The following CPQ variants were observed in gnomAD, a reference collection of about 807,000 sequenced individuals.
CPQ encodes carboxypeptidase Q, also known as Ser-Met dipeptidase.
A neutral mutation model predicts 45.7 loss-of-function variants in CPQ; 37 were observed. The ratio of observed to expected loss-of-function variants is 0.81; its 90% CI spans 0.62 to 1.07. The LOEUF is 1.07. Among genes scored for constraint, CPQ ranks in the 50% least tolerant of loss-of-function variants. The pLI is 0.00. For missense variants in CPQ, 537 were observed against 572.9 expected (o/e 0.94, Z 0.64); for synonymous variants, 186 against 205.8 (o/e 0.90, Z 0.82).
chr8:97,118,212 A>G lies in CPQ; in HGVS notation c.1256-24808A>G, dbSNP rs146573220. 5.0e-4 allele frequency among the ~76,000 whole-genome samples: 76 copies of G among 152,348 alleles called. No homozygotes were observed. In the Middle Eastern group the frequency reaches 0.01, roughly 20 times the overall value. ...AAGTTGAAAGAATGAACTACAGTGG[A>G]ATACTATTATTATATCTACTTATGC... On this transcript the variant is annotated intron_variant, in intron 7 of 7. Coordinates refer to ENST00000220763, the MANE Select transcript of CPQ (RefSeq NM_016134.4).
chr8:96,895,618 A>G (rs1246595251), intron 4 of CPQ, among the ~76,000 whole-genome samples: 2 of 152,176 alleles, frequency 1.3e-5, no homozygotes, highest in African/African-American at 4.8e-5. Flanking sequence ...GTAATTTTAA[A>G]TGATAATCAG....
At chr8:96,935,791 G>A (rs1813039390) in intron 4 of CPQ, among the ~76,000 whole-genome samples, 1 of 152,122 alleles carries the variant, frequency 6.6e-6, no homozygotes, top group South Asian at 2.1e-4. Flanking sequence ...TTGTGGCATA[G>A]CATAAAATAC....
At chr8:96,843,487 G>T (rs1159422311) in intron 3 of CPQ, among the ~76,000 whole-genome samples, 1 of 152,156 alleles carries the variant, frequency 6.6e-6, no homozygotes, top group East Asian at 1.9e-4. Flanking sequence ...GAAGCTGTCT[G>T]GTTGGGAGAC....
intron 3 of CPQ, among the ~76,000 whole-genome samples, chr8:96,851,409 T>C (rs187678163): frequency 6.6e-6 from 1 of 152,332 alleles, no homozygotes; most frequent in Admixed American, 6.5e-5. Flanking sequence ...TAGATCTTTA[T>C]TTCTCACAGT....
chr8:96,800,245 A>G (rs1810988670), intron 2 of CPQ, among the ~76,000 whole-genome samples: 1 of 152,180 alleles, frequency 6.6e-6, no homozygotes, highest in Non-Finnish European at 1.5e-5. Context: ...GCTAGCAAGT[A>G]TGTAAAGAAA....
chr8:96,874,772 A>G (rs1341995705), intron 3 of CPQ, among the ~76,000 whole-genome samples: 1 of 152,028 alleles, frequency 6.6e-6, no homozygotes, highest in East Asian at 1.9e-4. Flanking sequence ...CCTTTTGACT[A>G]TTAAAAATAA....
chr8:96,976,185 T>C (rs770323027), intron 5 of CPQ, among the ~76,000 whole-genome samples: 1 of 132,158 alleles, frequency 7.6e-6, no homozygotes, highest in Non-Finnish European at 1.5e-5. Context: ...AGCTCTTCTA[T>C]ATACCAACAG....
rs147435843 is a variant in CPQ, at chr8:96,754,421, T to A, written c.-34-30443T>A. On this transcript the variant is annotated intron_variant, in intron 1 of 7. Transcript: ENST00000220763. ...CACAGAACCCTCTTTGGAATATTAA[T>A]CATTGTCATATTTTGTTATGAGGGT... Among the ~76,000 whole-genome samples the A allele has an allele frequency of 1.6e-4, 25 of 152,162 alleles. No individual in the cohort carries two copies. The East Asian group carries it at 4.6e-3, about 28-fold the overall frequency.
chr8:96,838,419 G>A (rs1811559575), intron 3 of CPQ, among the ~76,000 whole-genome samples: 1 of 152,150 alleles, frequency 6.6e-6, no homozygotes, highest in Non-Finnish European at 1.5e-5. Flanking sequence ...GGGATAGAGA[G>A]AGAAAGTCGA....
intron 7 of CPQ, among the ~76,000 whole-genome samples, chr8:97,113,331 G>A (rs1183010667): frequency 6.6e-6 from 1 of 152,152 alleles, no homozygotes; most frequent in African/African-American, 2.4e-5. Flanking sequence ...AGAAGGGTGT[G>A]GGGTAAAAGA....
At chr8:97,123,289 G>T (rs1046097515) in intron 7 of CPQ, among the ~76,000 whole-genome samples, 1 of 143,508 alleles carries the variant, frequency 7.0e-6, no homozygotes, top group African/African-American at 2.5e-5. Flanking sequence ...AAATATAAAA[G>T]GCATTTTGGT....
chr8:97,116,844 C>CT (rs1451321568), intron 7 of CPQ, among the ~76,000 whole-genome samples: 1 of 152,220 alleles, frequency 6.6e-6, no homozygotes, highest in Non-Finnish European at 1.5e-5. Flanking sequence ...AATAGGAGGC[C>CT]TAAGAGAAAG....
intron 7 of CPQ, among the ~76,000 whole-genome samples, chr8:97,075,668 C>T (rs1244199091): frequency 6.6e-6 from 1 of 152,078 alleles, no homozygotes; most frequent in Non-Finnish European, 1.5e-5. Context: ...TCCTTGTCAG[C>T]CATGTGAGAT....
chr8:97,026,548 A>G (rs1429519616), intron 5 of CPQ, among the ~76,000 whole-genome samples: 4 of 152,216 alleles, frequency 2.6e-5, no homozygotes, highest in African/African-American at 4.8e-5. Context: ...TTCAGGGACA[A>G]TCAGATTGTC....
intron 7 of CPQ, among the ~76,000 whole-genome samples, chr8:97,122,917 TA>T (rs1305256643): frequency 0.058 from 3,425 of 58,880 alleles, 530 homozygotes; most frequent in East Asian, 0.34. Flanking sequence ...TAAAATAAAA[TA>T]AAATAAAATA....
At chr8:97,109,441 C>T (rs1409066687) in intron 7 of CPQ, among the ~76,000 whole-genome samples, 1 of 152,054 alleles carries the variant, frequency 6.6e-6, no homozygotes, top group African/African-American at 2.4e-5. Context: ...GGATGTCTGT[C>T]AGGGGTTCTC....
At chr8:96,689,166 A>C (rs1308048575) in intron 1 of CPQ, among the ~76,000 whole-genome samples, 1 of 152,200 alleles carries the variant, frequency 6.6e-6, no homozygotes, top group Admixed American at 6.6e-5. Flanking sequence ...ATTTCCCAAG[A>C]CTAGCTTATG....
At chr8:97,072,522 A>T (rs999847425) in intron 7 of CPQ, among the ~76,000 whole-genome samples, 66 of 152,160 alleles carry the variant, frequency 4.3e-4, no homozygotes, top group African/African-American at 1.5e-3. Flanking sequence ...GGGCATCCAA[A>T]TCGGTAAAGA....
intron 5 of CPQ, among the ~76,000 whole-genome samples, chr8:96,978,924 C>T (rs941373410): frequency 4.6e-5 from 7 of 152,062 alleles, no homozygotes; most frequent in Non-Finnish European, 8.8e-5. Context: ...TTTGACTGCC[C>T]ACTTCATGTC....
Sources: allele counts gnomAD v4.1 joint callset (sites outside exome capture counted in the v4.1 genomes callset), GRCh38; gene constraint gnomAD v4.1.1; transcripts MANE v1.5; gene names NCBI Gene and HGNC (gene_info 2026-07-23, HGNC 2026-07-21).